CDH26: variants seen among roughly 807,000 people sequenced by gnomAD.
CDH26 encodes the protein cadherin 26, also known as cadherin-like protein 26.
In CDH26, 83 loss-of-function variants were observed where a neutral mutation model predicts 90.3. That is an observed-to-expected ratio of 0.92 (90% CI 0.77 to 1.10). The LOEUF is 1.10. Ranked by LOEUF, CDH26 falls within the 50% of genes least tolerant of loss-of-function variation. CDH26 has a pLI of 0.00. For synonymous variants in CDH26, 397 were observed against 396.3 expected (o/e 1.00, Z -0.02); for missense variants, 1,013 against 1,037.6 (o/e 0.98, Z 0.33).
At chr20:60,025,288 G>T (rs2061988189) in intron 7 of CDH26, among the ~76,000 whole-genome samples, 1 of 152,220 alleles carries the variant, frequency 6.6e-6, no homozygotes, top group East Asian at 1.9e-4. Flanking sequence ...TTGCCTCGAT[G>T]AGTTAAATGC....
chr20:59,981,593 T>G (rs1438947449), intron 4 of CDH26, among the ~76,000 whole-genome samples: 1 of 152,144 alleles, frequency 6.6e-6, no homozygotes, highest in African/African-American at 2.4e-5. Flanking sequence ...TGAATCAGCC[T>G]AAAATTCTCA....
chr20:60,007,055 G>A (rs976523704), intron 17 of CDH26, among the ~76,000 whole-genome samples: 5 of 152,142 alleles, frequency 3.3e-5, no homozygotes, highest in Admixed American at 2.6e-4. Flanking sequence ...CCACTTTCCC[G>A]CCGTGTCCTC....
At chr20:59,975,678 C>A (rs1200945017) in intron 4 of CDH26, among the ~76,000 whole-genome samples, 1 of 152,204 alleles carries the variant, frequency 6.6e-6, no homozygotes, top group Non-Finnish European at 1.5e-5. Flanking sequence ...AGCATCCTAG[C>A]TTAACCATCT....
chr20:59,999,576 T>G lies in CDH26; in HGVS notation c.2020-10T>G, dbSNP rs1249925010. ...AGCCCTTGTCATATTTCTTTCTCTG[T>G]GTTCTACAGACATGGTCAGATGTTG... is the stretch of plus-strand genomic sequence containing the variant. On this transcript the variant is annotated splice_polypyrimidine_tract_variant and intron_variant, in intron 13 of 17. Transcript: ENST00000348616. 1 of 1,611,440 alleles carries G rather than the reference T, an allele frequency of 6.2e-7. No individual in the cohort carries two copies. The highest frequency in any genetic ancestry group is 1.3e-5 in the African/African-American group (1 of 74,880).
chr20:60,018,842 G>A (rs779608918), downstream of CDH26, among the ~76,000 whole-genome samples: 8 of 149,302 alleles, frequency 5.4e-5, no homozygotes, highest in South Asian at 6.4e-4. Flanking sequence ...CATGATTGTG[G>A]TTATTTTCTT....
At chr20:59,972,223 G>A (rs375966044) in intron 4 of CDH26, 100 bp downstream of exon 4, 42 of 1,095,214 alleles carry the variant, frequency 3.8e-5, no homozygotes, top group Middle Eastern at 2.1e-4. Flanking sequence ...GCCAGGTTCC[G>A]GGAGATTGAG....
intron 12 of CDH26, 162 bp downstream of exon 12, chr20:59,996,216 G>T: frequency 2.1e-6 from 2 of 973,192 alleles, no homozygotes; most frequent in Non-Finnish European, 3.0e-6. Context: ...GTAGATCAGA[G>T]GTTGCCATGC....
At chr20:60,028,136 T>C (rs1300921721) in intron 7 of CDH26, among the ~76,000 whole-genome samples, 1 of 152,230 alleles carries the variant, frequency 6.6e-6, no homozygotes, top group Non-Finnish European at 1.5e-5. Context: ...TGACTGATGC[T>C]GAACAAGGTG....
rs189085620 is a variant in CDH26 at position 59,968,914 on chromosome 20, T to C, written c.70-53T>C. The C allele has an allele frequency of 3.2e-5, 31 of 974,852 alleles. No homozygotes were observed. In the Admixed American group the frequency reaches 5.1e-4, roughly 16 times the overall value. 60.4% of individuals were successfully genotyped at this position (974,852 alleles called of 1,614,324 possible). ...TTTGTGCAACTCCAGGTGGTTTCCA[T>C]GTGATTCTGGTAAGAATATTCTCTA... On this transcript the variant is annotated intron_variant, in intron 1 of 17. Transcript: ENST00000348616.
chr20:59,969,476 A>G (rs971616829), intron 2 of CDH26, among the ~76,000 whole-genome samples: 2 of 152,342 alleles, frequency 1.3e-5, no homozygotes, highest in African/African-American at 4.8e-5. Flanking sequence ...TTTTGTTGAT[A>G]AAATTAATGT....
chr20:59,989,285 T>C, intron 9 of CDH26, 122 bp downstream of exon 9: 1 of 1,288,328 alleles, frequency 7.8e-7, no homozygotes, highest in Non-Finnish European at 1.1e-6. Flanking sequence ...TCCCAGCGCT[T>C]TGGGAGGCCG....
At chr20:60,007,178 A>G (rs766817102) in intron 17 of CDH26, among the ~76,000 whole-genome samples, 8 of 152,198 alleles carry the variant, frequency 5.3e-5, no homozygotes, top group Non-Finnish European at 1.2e-4. Flanking sequence ...ATTGTCTCCC[A>G]AAGGCTCCGT....
intron 4 of CDH26, among the ~76,000 whole-genome samples, chr20:59,978,396 G>A (rs1038705353): frequency 2.7e-5 from 4 of 147,978 alleles, no homozygotes; most frequent in Non-Finnish European, 5.9e-5. Flanking sequence ...TTTTTTTTGA[G>A]ATGAAGTCTT....
At chr20:60,011,994 G>A (rs2061849977) in intron 17 of CDH26, among the ~76,000 whole-genome samples, 2 of 152,152 alleles carry the variant, frequency 1.3e-5, no homozygotes, top group African/African-American at 2.4e-5. Context: ...AGTGGTTTGA[G>A]GAGCCACATG....
chr20:59,990,662 G>A (rs2061516748), intron 9 of CDH26, among the ~76,000 whole-genome samples: 1 of 152,142 alleles, frequency 6.6e-6, no homozygotes, highest in African/African-American at 2.4e-5. Flanking sequence ...GACTCTAAGG[G>A]CTTCTCAACA....
chr20:60,011,777 G>A (rs529392920), intron 17 of CDH26, among the ~76,000 whole-genome samples: 1 of 152,284 alleles, frequency 6.6e-6, no homozygotes, highest in East Asian at 1.9e-4. Context: ...GGGAGGAGGA[G>A]ATGTAGGTTG....
intron 4 of CDH26, among the ~76,000 whole-genome samples, chr20:59,976,350 C>T (rs183238696): frequency 7.5e-4 from 114 of 152,292 alleles, no homozygotes; most frequent in African/African-American, 2.5e-3. Flanking sequence ...CATTGTAACC[C>T]GAATCCCTAG....
rs1416521855 is a variant in CDH26, at chr20:59,996,672, C to T, written c.1930C>T (p.Pro644Ser). ...GTTGCGATGCTATTTTGTGCTTGAA[C>T]CTAAGAGGCATGGATGCTCTGTATC... Reference protein sequence around the residue: ...FLLRCYFVLEPKRHGCSVSND... With the variant: ...FLLRCYFVLESKRHGCSVSND... Residue 644 changes from proline (P) to serine (S), a missense_variant, in exon 13 of 18, where the codon CCT (proline) becomes TCT (serine). Transcript: ENST00000348616. 7 of 1,614,182 alleles carry T rather than the reference C, an allele frequency of 4.3e-6. No individual in the cohort carries two copies. Among genetic ancestry groups the T allele is most frequent in the Middle Eastern group, 3.3e-4 (2 of 6,062 alleles).
intron 7 of CDH26, among the ~76,000 whole-genome samples, chr20:60,026,423 A>AAGAG: frequency 1.3e-5 from 2 of 150,848 alleles, no homozygotes; most frequent in Middle Eastern, 6.9e-3. Flanking sequence ...AGAGAGAGAG[A>AAGAG]GAGGGAGAAG....
Sources: allele counts gnomAD v4.1 joint callset (sites outside exome capture counted in the v4.1 genomes callset), GRCh38; gene constraint gnomAD v4.1.1; transcripts MANE v1.5; gene names NCBI Gene and HGNC (gene_info 2026-07-23, HGNC 2026-07-21).